SKAP2: variants seen among roughly 807,000 people sequenced by gnomAD.
The protein encoded by SKAP2 is src kinase-associated phosphoprotein 2.
In SKAP2, 28 loss-of-function variants were observed where a neutral mutation model predicts 54.9. The ratio of observed to expected loss-of-function variants is 0.51; its 90% CI spans 0.38 to 0.70. SKAP2 has a LOEUF of 0.70. SKAP2 is among the 30% of genes least tolerant of loss of function. SKAP2 has a pLI of 0.00. For synonymous variants in SKAP2, 137 were observed against 134.3 expected, an observed-to-expected ratio of 1.02 and a Z score of -0.14; for missense variants, 356 against 424.1, an observed-to-expected ratio of 0.84 and a Z score of 1.41.
chr7:26,709,296 C>G (rs1325004769), intron 9 of SKAP2, among the ~76,000 whole-genome samples: 1 of 151,978 alleles, frequency 6.6e-6, no homozygotes, highest in African/African-American at 2.4e-5. Context: ...GTGTAATAGG[C>G]AATGTGAAAT....
chr7:26,764,587 T>C (rs1416714168), intron 4 of SKAP2, among the ~76,000 whole-genome samples: 2 of 151,856 alleles, frequency 1.3e-5, no homozygotes, highest in East Asian at 3.8e-4. Flanking sequence ...TTTTCTTTTA[T>C]CTTTTTTTAT....
At chr7:26,751,022 T>C (rs1489711436) in intron 4 of SKAP2, among the ~76,000 whole-genome samples, 1 of 152,158 alleles carries the variant, frequency 6.6e-6, no homozygotes, top group East Asian at 1.9e-4. Context: ...TGATATTCTT[T>C]AAACTCATTT....
chr7:26,792,702 C>T (rs981512796), intron 4 of SKAP2, among the ~76,000 whole-genome samples: 2 of 151,958 alleles, frequency 1.3e-5, no homozygotes, highest in Non-Finnish European at 1.5e-5. Flanking sequence ...GTGAGCTGTT[C>T]CAAGATCTAC....
At chr7:26,766,528 G>T (rs1330849139) in intron 4 of SKAP2, among the ~76,000 whole-genome samples, 2 of 152,204 alleles carry the variant, frequency 1.3e-5, no homozygotes, top group Non-Finnish European at 2.9e-5. Flanking sequence ...AGTGGTGAAA[G>T]AGGGCATCCT....
chr7:26,667,473 CCA>C lies in SKAP2; in HGVS notation c.*2191_*2192del, dbSNP rs1786125254. 6.6e-6 allele frequency: 1 copy of C among 152,474 alleles called. No homozygotes were observed. The highest frequency in any genetic ancestry group is 2.4e-5 in the African/African-American group (1 of 41,412). The allele number at this position is 152,474 out of a possible 1,614,324, so 9.4% of individuals were successfully genotyped here. A position where few individuals can be genotyped will look rare whatever the true frequency, so the allele number is the denominator to read the frequency against. The stretch of plus-strand genomic sequence containing the variant: ...AGTAATGATTATTTGTCCTGTCACT[CCA>C]GTTTTAAGTCTTTTCTTTCCTTTCT... On this transcript the variant is annotated 3_prime_UTR_variant, in exon 13 of 13. Coordinates refer to ENST00000345317, the MANE Select transcript of SKAP2 (RefSeq NM_003930.5).
chr7:26,711,885 C>G (rs958826561), intron 9 of SKAP2, among the ~76,000 whole-genome samples: 2 of 152,038 alleles, frequency 1.3e-5, no homozygotes, highest in Non-Finnish European at 2.9e-5. Flanking sequence ...TTGTAATGAT[C>G]CAGGTGAGAA....
At chr7:26,676,727 A>G (rs977884872) in intron 11 of SKAP2, among the ~76,000 whole-genome samples, 3 of 152,220 alleles carry the variant, frequency 2.0e-5, no homozygotes, top group African/African-American at 7.2e-5. Context: ...CAAGAAGTTC[A>G]AAGTTTAGAC....
intron 11 of SKAP2, among the ~76,000 whole-genome samples, chr7:26,678,024 A>C (rs779340233): frequency 4.6e-5 from 7 of 152,232 alleles, no homozygotes; most frequent in Non-Finnish European, 1.0e-4. Flanking sequence ...AAAAGGCTTT[A>C]GGGTCAGACC....
chr7:26,684,668 T>A (rs1190216509), intron 11 of SKAP2, 68 bp downstream of exon 11: 22 of 926,270 alleles, frequency 2.4e-5, no homozygotes, highest in Non-Finnish European at 3.5e-5. Context: ...GCTCTGTAAA[T>A]CCAAATGCAT....
At chr7:26,768,824 C>T (rs745924840) in intron 4 of SKAP2, among the ~76,000 whole-genome samples, 47 of 152,118 alleles carry the variant, frequency 3.1e-4, no homozygotes, top group Admixed American at 4.6e-4. Context: ...CAGATAGATC[C>T]GCTGTTAGTC....
intron 4 of SKAP2, among the ~76,000 whole-genome samples, chr7:26,786,014 G>A (rs1783536650): frequency 6.6e-6 from 1 of 152,162 alleles, no homozygotes; most frequent in Non-Finnish European, 1.5e-5. Context: ...GCAGACATGA[G>A]TTGGGCACCT....
chr7:26,663,034 G>A (rs1036207388), downstream of SKAP2, among the ~76,000 whole-genome samples: 6 of 152,052 alleles, frequency 3.9e-5, no homozygotes, highest in African/African-American at 1.2e-4. Flanking sequence ...AGATGGGACA[G>A]GTTATTTTAC....
intron 4 of SKAP2, among the ~76,000 whole-genome samples, chr7:26,806,939 A>G (rs575634815): frequency 1.2e-4 from 18 of 152,250 alleles, no homozygotes; most frequent in African/African-American, 3.4e-4. Context: ...GCTGATTCCA[A>G]CTCTTATGGA....
chr7:26,826,118 T>TACACAC (rs10601131), intron 4 of SKAP2, among the ~76,000 whole-genome samples: 5,243 of 150,032 alleles, frequency 0.035, 284 homozygotes, highest in African/African-American at 0.12. Context: ...ATTCGTGCAA[T>TACACAC]ACACACACAC....
chr7:26,675,929 G>A (rs1023409462), intron 11 of SKAP2, among the ~76,000 whole-genome samples: 2 of 152,150 alleles, frequency 1.3e-5, no homozygotes, highest in African/African-American at 4.8e-5. Context: ...ACTAATTCCA[G>A]TTCTTGGAAA....
intron 4 of SKAP2, among the ~76,000 whole-genome samples, chr7:26,753,303 T>C (rs961656487): frequency 6.6e-6 from 1 of 152,162 alleles, no homozygotes; most frequent in African/African-American, 2.4e-5. Context: ...GTTCTGAAAT[T>C]TGAGTGCACA....
rs375906049 is a variant in SKAP2, at chr7:26,725,934, A to C, written c.647T>G (p.Phe216Cys). 1 of 1,609,976 alleles carries C rather than the reference A, an allele frequency of 6.2e-7. No homozygotes were observed. The highest frequency in any genetic ancestry group is 1.3e-5 in the African/African-American group (1 of 74,834). ...DAEEWVQQLK[F>C]VLQDMESDII... is the part of the protein sequence containing the mutation. Reference sequence around the variant, plus strand: ...TTGATTTATCTTACCTTGCAATACAAATTTCAGCTGCTGTACCCATTCTTC... The same window carrying C: ...TTGATTTATCTTACCTTGCAATACACATTTCAGCTGCTGTACCCATTCTTC... Residue 216 changes from phenylalanine (F) to cysteine (C), a missense_variant, in exon 8 of 13, where the codon TTT becomes TGT. By Grantham distance (205) the Phe-to-Cys change is radical. Transcript: ENST00000345317.
chr7:26,860,489 G>A (rs1043516790), intron 1 of SKAP2, among the ~76,000 whole-genome samples: 1 of 152,026 alleles, frequency 6.6e-6, no homozygotes, highest in Non-Finnish European at 1.5e-5. Context: ...CCCAAATGGG[G>A]CAGGCTTGTT....
chr7:26,854,739 A>G, intron 2 of SKAP2, 46 bp downstream of exon 2: 1 of 1,514,714 alleles, frequency 6.6e-7, no homozygotes, highest in Non-Finnish European at 9.0e-7. Context: ...TAGTTACAAA[A>G]CTGCTTCTAT....
Sources: gnomAD v4.1 joint callset for allele counts (sites outside exome capture counted in the v4.1 genomes callset) on GRCh38, gnomAD v4.1.1 for gene constraint, MANE v1.5 for transcripts, NCBI Gene and HGNC (gene_info 2026-07-23, HGNC 2026-07-21) for gene names.